The following ABAT variants were observed in gnomAD, a reference collection of about 807,000 sequenced individuals.
The protein encoded by ABAT is 4-aminobutyrate aminotransferase, mitochondrial.
ABAT carries 45 observed loss-of-function variants against 64.6 expected under a neutral mutation model. That is an observed-to-expected ratio of 0.70 (90% CI 0.55 to 0.89). The LOEUF (loss-of-function observed/expected upper bound fraction) is 0.89, where lower values mean the gene tolerates loss of function less well. Ranked by LOEUF, ABAT falls within the 40% of genes least tolerant of loss-of-function variation. ABAT has a pLI of 0.00. For missense variants in ABAT, 633 were observed against 658.4 expected, an observed-to-expected ratio of 0.96 and a Z score of 0.42; for synonymous variants, 297 against 250.5, an observed-to-expected ratio of 1.19 and a Z score of -1.75.
chr16:8,770,419 G>A (rs1273976744), intron 11 of ABAT, among the ~76,000 whole-genome samples: 2 of 151,964 alleles, frequency 1.3e-5, no homozygotes, highest in East Asian at 1.9e-4. Context: ...TTACAGGTGT[G>A]AGCCACCGCG....
intron 1 of ABAT, among the ~76,000 whole-genome samples, chr16:8,733,490 G>C: frequency 6.6e-6 from 1 of 151,894 alleles, no homozygotes; most frequent in East Asian, 1.9e-4. Flanking sequence ...CGGCTGGGAG[G>C]TGGAGGTTGT....
At chr16:8,750,306 C>T (rs1279919302) in intron 4 of ABAT, 116 bp from the exon 5 acceptor site, 4 of 934,310 alleles carry the variant, frequency 4.3e-6, no homozygotes, top group Non-Finnish European at 7.0e-6. Flanking sequence ...ACAGATGCCT[C>T]TGTGTGTCCA....
intron 11 of ABAT, among the ~76,000 whole-genome samples, chr16:8,772,250 CTCTGTGTGTG>C (rs2060130496): frequency 1.0e-5 from 1 of 97,818 alleles, no homozygotes; most frequent in African/African-American, 3.6e-5. Flanking sequence ...TTCTCTCTGT[CTCTGTGTGTG>C]TGTGTGTGTG....
intron 1 of ABAT, chr16:8,722,657 T>A: frequency 2.3e-6 from 1 of 435,662 alleles, no homozygotes; most frequent in Non-Finnish European, 4.0e-6. Context: ...CTGCTGTAAC[T>A]TCAGATTTTC....
chr16:8,757,819 G>T lies in ABAT; in HGVS notation c.366+13G>T, dbSNP rs769166673. On this transcript the variant is annotated intron_variant, in intron 6 of 15. Transcript: ENST00000268251. ...GCCTCAAAATGCGGTAGGTCTTGGG[G>T]TTACACAGAAGAAAGACAAAATATG... The T allele has an allele frequency of 3.1e-5, 50 of 1,613,632 alleles. No homozygotes were observed. Among genetic ancestry groups the T allele is most frequent in the Non-Finnish European group, 4.2e-5 (49 of 1,179,686 alleles).
At position 8,758,756 on chromosome 16, in the gene ABAT, G is replaced by C. The variant is rs999592854; in HGVS notation, c.366+950G>C. Reference sequence around the variant, plus strand: ...CCACGTGAGAACCCCTGCAATACATGACACCTGTCTCTATCCGAAGAGAGA... The same window carrying C: ...CCACGTGAGAACCCCTGCAATACATCACACCTGTCTCTATCCGAAGAGAGA... On this transcript the variant is annotated intron_variant, in intron 6 of 15. Transcript: ENST00000268251. Among the ~76,000 whole-genome samples the C allele has an allele frequency of 2.6e-5, 4 of 152,248 alleles. No homozygotes were observed. In the South Asian group the frequency reaches 6.2e-4, roughly 24 times the overall value.
At chr16:8,697,980 G>C (rs1467637909) in intron 1 of ABAT, among the ~76,000 whole-genome samples, 1 of 152,210 alleles carries the variant, frequency 6.6e-6, no homozygotes, top group Non-Finnish European at 1.5e-5. Context: ...TTGTACATTG[G>C]AGGTGGTAGT....
At chr16:8,713,500 G>A in intron 1 of ABAT, 1 of 203,736 alleles carries the variant, frequency 4.9e-6, no homozygotes, top group Non-Finnish European at 1.0e-5. Context: ...GTTGCATCCT[G>A]TTTCTGTCTG....
rs1182574273 is a variant in ABAT at position 8,743,423 on chromosome 16, T to TTATATATA, written c.71-2563_71-2556dup. Among the ~76,000 whole-genome samples, 103 of 45,270 alleles carry TTATATATA rather than the reference T, an allele frequency of 2.3e-3. 3 individuals carry two copies. The highest frequency in any genetic ancestry group is 4.8e-3 in the African/African-American group (39 of 8,146). The allele number at this position is 45,270 out of a possible 152,430, so 29.7% of individuals were successfully genotyped here. A position where few individuals can be genotyped will look rare whatever the true frequency, so the allele number is the denominator to read the frequency against. On this transcript the variant is annotated intron_variant, in intron 2 of 15. Coordinates refer to ENST00000268251, the MANE Select transcript of ABAT (RefSeq NM_020686.6). ...GTCCCCTCTTGTGTAATGGAAACAG[T>TTATATATA]TATATATATATATATATATATACAC... is the stretch of plus-strand genomic sequence containing the variant.
chr16:8,765,163 C>G (rs2059908761), intron 8 of ABAT, among the ~76,000 whole-genome samples: 1 of 151,422 alleles, frequency 6.6e-6, no homozygotes, highest in Admixed American at 6.6e-5. Flanking sequence ...GAAACCCCAT[C>G]TCTACTAAAA....
intron 1 of ABAT, 100 bp downstream of exon 1, chr16:8,674,811 C>G (rs928666710): frequency 3.9e-5 from 6 of 152,430 alleles, no homozygotes; most frequent in African/African-American, 1.4e-4. Flanking sequence ...TGGGCATCTT[C>G]TCCTGGAAAC....
chr16:8,685,007 A>G (rs1398315748), intron 1 of ABAT, among the ~76,000 whole-genome samples: 1 of 152,160 alleles, frequency 6.6e-6, no homozygotes, highest in Non-Finnish European at 1.5e-5. Flanking sequence ...GAACAAGGCC[A>G]GGCATGGTGG....
intron 1 of ABAT, chr16:8,715,388 G>A (rs1214580183): frequency 6.6e-6 from 1 of 152,080 alleles, no homozygotes; most frequent in Non-Finnish European, 1.5e-5. Context: ...GAGTCCGAGG[G>A]AGGAGGATCA....
intron 1 of ABAT, among the ~76,000 whole-genome samples, chr16:8,676,533 C>A (rs1162204748): frequency 2.6e-5 from 4 of 152,216 alleles, no homozygotes; most frequent in African/African-American, 9.6e-5. Flanking sequence ...CCCCAGCAGG[C>A]TGCCTCGTGG....
chr16:8,729,640 G>A (rs952444461), intron 1 of ABAT, among the ~76,000 whole-genome samples: 4 of 151,880 alleles, frequency 2.6e-5, no homozygotes, highest in African/African-American at 4.8e-5. Context: ...GCAACACAGC[G>A]AGACCCCTGT....
At chr16:8,712,415 G>C in intron 1 of ABAT, among the ~76,000 whole-genome samples, 1 of 152,066 alleles carries the variant, frequency 6.6e-6, no homozygotes, top group East Asian at 1.9e-4. Flanking sequence ...GCTAGTAGTG[G>C]GTATATAGGT....
chr16:8,717,726 A>G (rs544480328), intron 1 of ABAT, among the ~76,000 whole-genome samples: 1 of 152,328 alleles, frequency 6.6e-6, no homozygotes, highest in East Asian at 1.9e-4. Context: ...CAAGTAGCCT[A>G]AAGATATTTT....
chr16:8,708,118 A>C (rs558975857), intron 1 of ABAT, among the ~76,000 whole-genome samples: 6 of 152,322 alleles, frequency 3.9e-5, no homozygotes, highest in African/African-American at 1.4e-4. Flanking sequence ...GGAGGGTGGA[A>C]GCCTGAACTT....
intron 5 of ABAT, among the ~76,000 whole-genome samples, chr16:8,751,313 C>G (rs1359303940): frequency 1.3e-5 from 2 of 152,002 alleles, no homozygotes; most frequent in East Asian, 1.9e-4. Flanking sequence ...GTCTCGAACT[C>G]CTGGACTCAA....
Sources: allele counts gnomAD v4.1 joint callset (sites outside exome capture counted in the v4.1 genomes callset), GRCh38; gene constraint gnomAD v4.1.1; transcripts MANE v1.5; gene names NCBI Gene and HGNC (gene_info 2026-07-23, HGNC 2026-07-21).